The following KAT6A variants were observed in gnomAD, a reference collection of about 807,000 sequenced individuals.
KAT6A encodes the protein lysine acetyltransferase 6A.
KAT6A carries 9 observed loss-of-function variants against 198.4 expected under a neutral mutation model. The observed-to-expected ratio is 0.05, with a 90% CI of 0.03 to 0.08. The LOEUF (loss-of-function observed/expected upper bound fraction) is 0.08. Ranked by LOEUF, KAT6A falls within the 10% of genes least tolerant of loss-of-function variation. The pLI, the probability that KAT6A is intolerant of heterozygous loss-of-function variation, is 1.00. For synonymous variants in KAT6A, 890 were observed against 883.0 expected (o/e 1.01, Z -0.14); for missense variants, 2,077 against 2,509.9 (o/e 0.83, Z 3.69).
chr8:41,970,252 C>T (rs1353021043), intron 8 of KAT6A, among the ~76,000 whole-genome samples: 1 of 152,066 alleles, frequency 6.6e-6, no homozygotes, highest in Non-Finnish European at 1.5e-5. Context: ...AGTGCACTGC[C>T]AACAAAAATA....
intron 9 of KAT6A, among the ~76,000 whole-genome samples, chr8:41,954,124 A>G (rs935639089): frequency 1.3e-5 from 2 of 152,058 alleles, no homozygotes; most frequent in Non-Finnish European, 2.9e-5. Flanking sequence ...GTTAGCTGTC[A>G]CTTTGAGGTC....
chr8:42,000,003 T>C (rs1233925144), intron 2 of KAT6A, among the ~76,000 whole-genome samples: 1 of 152,260 alleles, frequency 6.6e-6, no homozygotes. Context: ...GTTAACTGAC[T>C]GATTGCCACT....
chr8:42,023,495 C>CTT (rs34548516), intron 2 of KAT6A, among the ~76,000 whole-genome samples: 15,536 of 149,598 alleles, frequency 0.1, 1,029 homozygotes, highest in East Asian at 0.24. Context: ...AATATATTTA[C>CTT]TTTTTTTTTT....
chr8:41,990,973 T>C (rs1482957173), intron 2 of KAT6A, among the ~76,000 whole-genome samples: 1 of 124,308 alleles, frequency 8.0e-6, no homozygotes, highest in East Asian at 2.3e-4. Flanking sequence ...CCAGCCTGGG[T>C]GACAGGGCGA....
At chr8:41,955,492 T>G in intron 8 of KAT6A, 81 bp from the exon 9 acceptor site, 1 of 889,990 alleles carries the variant, frequency 1.1e-6, no homozygotes, top group East Asian at 2.5e-5. Context: ...ATCTAAATGT[T>G]GTCTTCTCAG....
At chr8:41,957,408 G>T in intron 8 of KAT6A, 2 of 402,748 alleles carry the variant, frequency 5.0e-6, no homozygotes, top group East Asian at 1.1e-4. Flanking sequence ...ACTCATTCCA[G>T]TCCTAGCCAA....
intron 8 of KAT6A, among the ~76,000 whole-genome samples, chr8:41,955,986 T>C (rs1822899243): frequency 6.6e-6 from 1 of 152,250 alleles, no homozygotes; most frequent in South Asian, 2.1e-4. Flanking sequence ...TAGCTCTGCA[T>C]AGATTTAACC....
At chr8:42,014,844 C>T (rs1337538880) in intron 2 of KAT6A, among the ~76,000 whole-genome samples, 1 of 152,080 alleles carries the variant, frequency 6.6e-6, no homozygotes, top group African/African-American at 2.4e-5. Context: ...TCGGTACATG[C>T]AGTTATTACA....
chr8:41,999,565 C>T (rs1238309510), intron 2 of KAT6A, among the ~76,000 whole-genome samples: 1 of 152,128 alleles, frequency 6.6e-6, no homozygotes, highest in Non-Finnish European at 1.5e-5. Context: ...ATTTGCCTGG[C>T]TCAAAACTTA....
Position 42,036,607 on chromosome 8 carries a change from CA to C in KAT6A, c.600+11770del, listed in dbSNP as rs1335254642. 4.6e-5 allele frequency among the ~76,000 whole-genome samples: 7 copies of C among 150,862 alleles called. No homozygotes were observed. In the East Asian group the frequency reaches 1.4e-3, roughly 29 times the overall value. On this transcript the variant is annotated intron_variant, in intron 2 of 16. Transcript: ENST00000265713. The stretch of plus-strand genomic sequence containing the variant: ...CAGCCTGGGTGACAGAGCAAGACTC[CA>C]ACTCAAAAAAAAAAGGAGAAGGTGG...
rs554978249 is a variant in KAT6A at position 42,002,388 on chromosome 8, C to T, written c.601-14825G>A. On this transcript the variant is annotated intron_variant, in intron 2 of 16. Coordinates refer to ENST00000265713, the MANE Select transcript of KAT6A (RefSeq NM_006766.5). ...TCAGCCTGGCAAACACGGCAAAACC[C>T]CATCTCTTCTAAAAATACAAAAATT... 2.6e-5 allele frequency among the ~76,000 whole-genome samples: 4 copies of T among 152,242 alleles called. No individual in the cohort carries two copies. In the South Asian group the frequency reaches 8.3e-4, roughly 32 times the overall value.
At chr8:42,000,684 C>T (rs1280066026) in intron 2 of KAT6A, among the ~76,000 whole-genome samples, 3 of 152,080 alleles carry the variant, frequency 2.0e-5, no homozygotes, top group Non-Finnish European at 4.4e-5. Flanking sequence ...TTTAAGAACA[C>T]GTGAACAAAT....
At chr8:41,999,727 T>C (rs1226227529) in intron 2 of KAT6A, among the ~76,000 whole-genome samples, 1 of 152,232 alleles carries the variant, frequency 6.6e-6, no homozygotes, top group Non-Finnish European at 1.5e-5. Flanking sequence ...CAGGGTATTT[T>C]ACCCCTTCTC....
chr8:42,024,065 C>T (rs764739151), intron 2 of KAT6A, among the ~76,000 whole-genome samples: 1 of 152,204 alleles, frequency 6.6e-6, no homozygotes, highest in Non-Finnish European at 1.5e-5. Flanking sequence ...TTACCGTAAA[C>T]TCTTTTTAAT....
chr8:41,980,841 C>T lies in KAT6A; in HGVS notation c.907+5G>A. On this transcript the variant is annotated splice_donor_5th_base_variant and intron_variant, in intron 5 of 16. Coordinates refer to ENST00000265713, the MANE Select transcript of KAT6A (RefSeq NM_006766.5). ...CCCAGTTTTATTTCAGAAAGTATTT[C>T]TCACCTTTTGGCATACGGGTGAGTG... 6.2e-7 allele frequency: 1 copy of T among 1,604,346 alleles called. No homozygotes were observed. Among genetic ancestry groups the T allele is most frequent in the Non-Finnish European group, 8.5e-7 (1 of 1,171,228 alleles).
At chr8:41,959,247 G>C (rs1823077922) in intron 8 of KAT6A, among the ~76,000 whole-genome samples, 1 of 151,428 alleles carries the variant, frequency 6.6e-6, no homozygotes, top group Non-Finnish European at 1.5e-5. Flanking sequence ...ATGAAAAGAT[G>C]CTCAACATCA....
intron 9 of KAT6A, among the ~76,000 whole-genome samples, chr8:41,953,365 T>C (rs1009859559): frequency 3.3e-5 from 5 of 152,258 alleles, no homozygotes; most frequent in Non-Finnish European, 7.3e-5. Context: ...AAGCTTTCTT[T>C]TCTAAGTTGA....
At chr8:41,980,042 C>T (rs1224132249) in intron 5 of KAT6A, among the ~76,000 whole-genome samples, 2 of 151,990 alleles carry the variant, frequency 1.3e-5, no homozygotes, top group Admixed American at 6.6e-5. Flanking sequence ...CTACAAAGTA[C>T]GGTTAAGTCA....
intron 2 of KAT6A, among the ~76,000 whole-genome samples, chr8:42,010,543 C>CA (rs1339967347): frequency 3.9e-5 from 6 of 152,200 alleles, no homozygotes; most frequent in Non-Finnish European, 7.3e-5. Context: ...TTCTTCCACA[C>CA]ACACGTAGGC....
Sources: gnomAD v4.1 joint callset for allele counts (sites outside exome capture counted in the v4.1 genomes callset) on GRCh38, gnomAD v4.1.1 for gene constraint, MANE v1.5 for transcripts, NCBI Gene and HGNC (gene_info 2026-07-23, HGNC 2026-07-21) for gene names.